RAB28: variants seen among roughly 807,000 people sequenced by gnomAD.
RAB28 encodes RAB28, member RAS oncogene family.
In RAB28, 24 loss-of-function variants were observed where a neutral mutation model predicts 31.7. The observed-to-expected ratio is 0.76, with a 90% CI of 0.55 to 1.06. RAB28 has a LOEUF of 1.06. RAB28 is among the 50% of genes least tolerant of loss of function. RAB28 has a pLI of 0.00. For synonymous variants in RAB28, 100 were observed against 90.4 expected, an observed-to-expected ratio of 1.11 and a Z score of -0.60; for missense variants, 254 against 258.5, an observed-to-expected ratio of 0.98 and a Z score of 0.12.
At chr4:13,418,275 G>C (rs1712913828) in intron 4 of RAB28, among the ~76,000 whole-genome samples, 1 of 152,210 alleles carries the variant, frequency 6.6e-6, no homozygotes. Context: ...ATCTACATTT[G>C]ATTGGTGTAC....
At chr4:13,405,377 G>A (rs1712017171) in intron 4 of RAB28, among the ~76,000 whole-genome samples, 1 of 152,116 alleles carries the variant, frequency 6.6e-6, no homozygotes, top group Non-Finnish European at 1.5e-5. Context: ...AGCAGTAAAA[G>A]AAAGCTGTCA....
In RAB28 at chr4:13,460,935, A is replaced by G. The variant is rs1312326773; in HGVS notation, c.262-107T>C. On this transcript the variant is annotated intron_variant, in intron 3 of 6. Coordinates refer to ENST00000330852, the MANE Select transcript of RAB28 (RefSeq NM_001017979.3). ...TATGTCAAAATGGGTATAAAAATAC[A>G]AATGTGTAGTGTTTTATATATAAAC... 5.5e-5 allele frequency: 57 copies of G among 1,031,766 alleles called. 1 individual carries two copies. Among genetic ancestry groups the G allele is most frequent in the Non-Finnish European group, 7.5e-5 (53 of 709,658 alleles). 63.9% of individuals were successfully genotyped at this position (1,031,766 alleles called of 1,614,324 possible). A position where few individuals can be genotyped will look rare whatever the true frequency, so the allele number is the denominator to read the frequency against.
intron 6 of RAB28, chr4:13,371,569 A>G (rs1329173786): frequency 1.0e-6 from 1 of 985,264 alleles, no homozygotes. Flanking sequence ...TTAACAAGAC[A>G]GCATCATTCT....
intron 2 of RAB28, among the ~76,000 whole-genome samples, chr4:13,478,614 T>G (rs1204574415): frequency 6.6e-6 from 1 of 151,648 alleles, no homozygotes; most frequent in African/African-American, 2.4e-5. Context: ...GCAACCATTT[T>G]CTCCAAATGT....
At chr4:13,428,932 ACT>A (rs1713659436) in intron 4 of RAB28, among the ~76,000 whole-genome samples, 1 of 148,080 alleles carries the variant, frequency 6.8e-6, no homozygotes, top group Non-Finnish European at 1.5e-5. Context: ...AAATTCTAAT[ACT>A]CTAATTTCAC....
chr4:13,399,534 C>G (rs910405044), intron 4 of RAB28, among the ~76,000 whole-genome samples: 1 of 152,086 alleles, frequency 6.6e-6, no homozygotes. Flanking sequence ...GTAGCTGTAC[C>G]AATTTATAAT....
chr4:13,428,391 T>C (rs1713628708), intron 4 of RAB28, among the ~76,000 whole-genome samples: 1 of 152,132 alleles, frequency 6.6e-6, no homozygotes, highest in African/African-American at 2.4e-5. Flanking sequence ...CTGAAGAGTA[T>C]AAAATGTTCA....
intron 4 of RAB28, among the ~76,000 whole-genome samples, chr4:13,396,392 G>A (rs1344384338): frequency 6.6e-6 from 1 of 151,994 alleles, no homozygotes; most frequent in Non-Finnish European, 1.5e-5. Context: ...GAAGACAGAT[G>A]AAATACATTA....
At chr4:13,441,508 TA>T (rs1714414100) in intron 4 of RAB28, among the ~76,000 whole-genome samples, 1 of 152,234 alleles carries the variant, frequency 6.6e-6, no homozygotes, top group South Asian at 2.1e-4. Context: ...GACAATTCTG[TA>T]AATCAATGTG....
chr4:13,374,601 C>A (rs890370014), intron 6 of RAB28, among the ~76,000 whole-genome samples: 25 of 152,068 alleles, frequency 1.6e-4, no homozygotes, highest in African/African-American at 6.0e-4. Context: ...TGTCTTCATT[C>A]CTCCAGGCAA....
Position 13,412,722 on chromosome 4 carries a change from C to T in RAB28, c.392-31128G>A, listed in dbSNP as rs553684567. On this transcript the variant is annotated intron_variant, in intron 4 of 6. Coordinates refer to ENST00000330852, the MANE Select transcript of RAB28 (RefSeq NM_001017979.3). ...AAAAAACTAAAGACAAAGAGACTTA[C>T]AGGAAATGAGTAGCCATGGAGCAAA... Among the ~76,000 whole-genome samples, 6 of 152,142 alleles carry T rather than the reference C, an allele frequency of 3.9e-5. No homozygotes were observed. The South Asian group carries it at 8.3e-4, about 21-fold the overall frequency.
At chr4:13,479,949 A>C (rs1022733221) in intron 1 of RAB28, among the ~76,000 whole-genome samples, 6 of 151,656 alleles carry the variant, frequency 4.0e-5, no homozygotes, top group African/African-American at 9.7e-5. Context: ...TAATAATAAG[A>C]AGCATTCATT....
intron 4 of RAB28, among the ~76,000 whole-genome samples, chr4:13,421,053 A>G (rs936770929): frequency 6.6e-6 from 1 of 152,240 alleles, no homozygotes; most frequent in Non-Finnish European, 1.5e-5. Context: ...CAACTTCAGC[A>G]AAGTCTCAGG....
intron 4 of RAB28, among the ~76,000 whole-genome samples, chr4:13,387,485 T>C (rs1367112043): frequency 6.6e-6 from 1 of 151,992 alleles, no homozygotes; most frequent in Non-Finnish European, 1.5e-5. Context: ...CAAGTGATAA[T>C]GGAAAATAGT....
chr4:13,373,108 C>G (rs1381373046), intron 6 of RAB28, among the ~76,000 whole-genome samples: 1 of 152,064 alleles, frequency 6.6e-6, no homozygotes, highest in African/African-American at 2.4e-5. Flanking sequence ...GTAGATATGG[C>G]AAAACTTCCT....
intron 3 of RAB28, among the ~76,000 whole-genome samples, chr4:13,470,733 A>G (rs1016536275): frequency 4.6e-5 from 7 of 152,092 alleles, no homozygotes; most frequent in Non-Finnish European, 8.8e-5. Context: ...ACATCTTTCT[A>G]AAGACTCCTA....
chr4:13,379,205 CAAAAAAA>C (rs34341516), intron 5 of RAB28, among the ~76,000 whole-genome samples: 1 of 57,964 alleles, frequency 1.7e-5, no homozygotes, highest in Non-Finnish European at 3.5e-5. Context: ...AACTCTGTCT[CAAAAAAA>C]AAAAAAAAAA....
At chr4:13,393,926 AT>A in intron 4 of RAB28, among the ~76,000 whole-genome samples, 1 of 152,252 alleles carries the variant, frequency 6.6e-6, no homozygotes, top group Non-Finnish European at 1.5e-5. Flanking sequence ...AATGTATTAA[AT>A]AAATATGACC....
At chr4:13,430,638 G>A (rs1385096039) in intron 4 of RAB28, among the ~76,000 whole-genome samples, 1 of 152,166 alleles carries the variant, frequency 6.6e-6, no homozygotes, top group East Asian at 1.9e-4. Context: ...CATGATGGTT[G>A]TGTACCCATG....
Sources: allele counts gnomAD v4.1 joint callset (sites outside exome capture counted in the v4.1 genomes callset), GRCh38; gene constraint gnomAD v4.1.1; transcripts MANE v1.5; gene names NCBI Gene and HGNC (gene_info 2026-07-23, HGNC 2026-07-21).